The following AGPS variants were observed in gnomAD, a reference collection of about 807,000 sequenced individuals.
AGPS encodes alkylglycerone phosphate synthase.
Under a neutral mutation model 90.7 loss-of-function variants are expected in AGPS, and 26 were observed. The ratio of observed to expected loss-of-function variants is 0.29; its 90% confidence interval spans 0.21 to 0.40. The LOEUF is 0.40. Among genes scored for constraint, AGPS ranks in the 10% least tolerant of loss-of-function variants. The pLI, the probability that AGPS is intolerant of heterozygous loss-of-function variation, is 1.00. For missense variants in AGPS, 540 were observed against 816.1 expected (o/e 0.66, Z 4.12); for synonymous variants, 294 against 285.3 (o/e 1.03, Z -0.31).
chr2:177,507,751 A>G lies in AGPS; in HGVS notation c.1546-219A>G, dbSNP rs571980360. Among the ~76,000 whole-genome samples the G allele has an allele frequency of 2.6e-5, 4 of 152,358 alleles. No individual in the cohort carries two copies. The East Asian group carries it at 7.7e-4, about 29-fold the overall frequency. ...GAGTCAGGCACTCTGCCTGGTGCCA[A>G]GGATACAGAGAATAAGACAGACAAG... On this transcript the variant is annotated intron_variant, in intron 15 of 19. Coordinates refer to ENST00000264167, the MANE Select transcript of AGPS (RefSeq NM_003659.4).
chr2:177,538,572 C>A lies in AGPS; in HGVS notation c.*377C>A, dbSNP rs112754713. On this transcript the variant is annotated 3_prime_UTR_variant, in exon 20 of 20. Coordinates refer to ENST00000264167, the MANE Select transcript of AGPS (RefSeq NM_003659.4). Reference sequence around the variant, plus strand: ...CTCAGCTAGCCTCTTTTTAAAAGAACGTTTCTGGGAATCAGATGTCTAGGG... The same window carrying A: ...CTCAGCTAGCCTCTTTTTAAAAGAAAGTTTCTGGGAATCAGATGTCTAGGG... 3 of 293,436 alleles carry A rather than the reference C, an allele frequency of 1.0e-5. No individual in the cohort carries two copies. Among genetic ancestry groups the A allele is most frequent in the Non-Finnish European group, 2.0e-5 (3 of 153,586 alleles). 18.2% of individuals were successfully genotyped at this position (293,436 alleles called of 1,614,324 possible). A position where few individuals can be genotyped will look rare whatever the true frequency, so the allele number is the denominator to read the frequency against.
intron 7 of AGPS, among the ~76,000 whole-genome samples, chr2:177,442,828 CAAAAAAAA>C (rs71007994): frequency 5.9e-4 from 59 of 99,386 alleles, no homozygotes; most frequent in African/African-American, 2.2e-3. Context: ...GCCTGGGTGA[CAAAAAAAA>C]AAAAAAAAAA....
intron 12 of AGPS, 118 bp downstream of exon 12, chr2:177,493,317 T>C: frequency 1.1e-6 from 1 of 905,784 alleles, no homozygotes; most frequent in Non-Finnish European, 1.8e-6. Flanking sequence ...TTCAGGAAGA[T>C]GTCAGTCTAA....
intron 15 of AGPS, 27 bp from the exon 16 acceptor site, chr2:177,507,943 T>C: frequency 6.5e-7 from 1 of 1,539,820 alleles, no homozygotes. Context: ...TTGTAGTTTC[T>C]TGATTTTTCT....
intron 10 of AGPS, among the ~76,000 whole-genome samples, chr2:177,469,659 C>A (rs1414013002): frequency 6.6e-6 from 1 of 152,124 alleles, no homozygotes; most frequent in Non-Finnish European, 1.5e-5. Flanking sequence ...TCTGGGACTT[C>A]TTATACTAAT....
intron 11 of AGPS, among the ~76,000 whole-genome samples, chr2:177,490,559 C>G (rs1688222998): frequency 6.6e-6 from 1 of 152,062 alleles, no homozygotes; most frequent in Admixed American, 6.5e-5. Flanking sequence ...CTCCTTGATA[C>G]TAATAGGAAT....
rs113543076 is a variant in AGPS, at chr2:177,442,561, T to C, written c.789+75T>C. On this transcript the variant is annotated intron_variant, in intron 7 of 19. Coordinates refer to ENST00000264167, the MANE Select transcript of AGPS (RefSeq NM_003659.4). The stretch of plus-strand genomic sequence containing the variant: ...CCTTAATTGTCATTAAAAAAGAATC[T>C]AGCCACTGGGCGCTGTGGCTCACGC... 1.0e-4 allele frequency: 123 copies of C among 1,234,750 alleles called. No individual in the cohort carries two copies. The African/African-American group carries it at 1.5e-3, about 15-fold the overall frequency. 76.5% of individuals were successfully genotyped at this position (1,234,750 alleles called of 1,614,324 possible).
chr2:177,408,709 T>C (rs2105595100), intron 1 of AGPS, among the ~76,000 whole-genome samples: 1 of 152,346 alleles, frequency 6.6e-6, no homozygotes, highest in South Asian at 2.1e-4. Flanking sequence ...GTTTTTCCTT[T>C]CCGTTTCTCT....
intron 5 of AGPS, 152 bp downstream of exon 5, chr2:177,437,206 TCTTGA>T (rs1686440442): frequency 5.3e-6 from 4 of 759,806 alleles, no homozygotes; most frequent in Non-Finnish European, 8.9e-6. Flanking sequence ...TGAAGCTCTT[TCTTGA>T]CTTGGTTGTT....
chr2:177,456,938 G>A (rs1687135607), intron 8 of AGPS, among the ~76,000 whole-genome samples: 1 of 152,062 alleles, frequency 6.6e-6, no homozygotes, highest in Non-Finnish European at 1.5e-5. Flanking sequence ...CCACGTAATT[G>A]GAAGTAAAAC....
intron 2 of AGPS, among the ~76,000 whole-genome samples, chr2:177,424,994 C>A (rs375588963): frequency 6.6e-6 from 1 of 152,000 alleles, no homozygotes; most frequent in South Asian, 2.1e-4. Flanking sequence ...TCAGATGCTC[C>A]GATTGCAAAA....
At chr2:177,467,136 C>T (rs1559059550) in intron 9 of AGPS, among the ~76,000 whole-genome samples, 1 of 151,976 alleles carries the variant, frequency 6.6e-6, no homozygotes, top group East Asian at 1.9e-4. Context: ...GGTGCCATCA[C>T]TTCTAGAACT....
chr2:177,520,281 C>T lies in AGPS; in HGVS notation c.1698-988C>T, dbSNP rs145151510. On this transcript the variant is annotated intron_variant, in intron 17 of 19. Coordinates refer to ENST00000264167, the MANE Select transcript of AGPS (RefSeq NM_003659.4). ...AGCTCCTATTTAAGATGCAGTTGCT[C>T]TGATTCACATGCCTGACAAGAGGAC... 4.8e-3 allele frequency among the ~76,000 whole-genome samples: 736 copies of T among 152,312 alleles called. 4 individuals carry two copies. Among genetic ancestry groups the T allele is most frequent in the Non-Finnish European group, 7.8e-3 (528 of 68,022 alleles).
At chr2:177,427,058 G>T (rs182220752) in intron 2 of AGPS, among the ~76,000 whole-genome samples, 1 of 152,258 alleles carries the variant, frequency 6.6e-6, no homozygotes, top group East Asian at 1.9e-4. Flanking sequence ...TCTATTCAGG[G>T]ATTCAGGTTC....
At chr2:177,460,137 G>A (rs1439297176) in intron 8 of AGPS, among the ~76,000 whole-genome samples, 1 of 152,166 alleles carries the variant, frequency 6.6e-6, no homozygotes, top group African/African-American at 2.4e-5. Flanking sequence ...GATACAGGGA[G>A]AGGAACATCA....
intron 1 of AGPS, among the ~76,000 whole-genome samples, chr2:177,414,504 T>C (rs1685727624): frequency 6.6e-6 from 1 of 152,182 alleles, no homozygotes. Flanking sequence ...TGCTTGGCCT[T>C]AAAAAGTTTT....
intron 3 of AGPS, 134 bp downstream of exon 3, chr2:177,434,551 A>G (rs143834538): frequency 1.4e-6 from 1 of 700,740 alleles, no homozygotes; most frequent in East Asian, 2.8e-5. Flanking sequence ...CCTATTAATT[A>G]TATTGGCCTT....
intron 14 of AGPS, among the ~76,000 whole-genome samples, chr2:177,500,501 C>T (rs984897840): frequency 1.3e-5 from 2 of 151,690 alleles, no homozygotes; most frequent in African/African-American, 4.8e-5. Context: ...TTTAAGAAAA[C>T]AAATGAACAC....
chr2:177,485,763 A>G (rs1419309869), intron 11 of AGPS, among the ~76,000 whole-genome samples: 3 of 152,086 alleles, frequency 2.0e-5, no homozygotes, highest in African/African-American at 7.2e-5. Flanking sequence ...TAAAAAATAC[A>G]AAAATTAGCT....
Sources: gnomAD v4.1 joint callset for allele counts (sites outside exome capture counted in the v4.1 genomes callset) on GRCh38, gnomAD v4.1.1 for gene constraint, MANE v1.5 for transcripts, NCBI Gene and HGNC (gene_info 2026-07-23, HGNC 2026-07-21) for gene names.